The following SKAP1 variants were observed in gnomAD, a reference collection of about 807,000 sequenced individuals.
SKAP1 encodes the protein src kinase associated phosphoprotein 1.
Under a neutral mutation model 58.5 loss-of-function variants are expected in SKAP1, and 44 were observed. That is an observed-to-expected ratio of 0.75 (90% CI 0.59 to 0.97). SKAP1 has a LOEUF of 0.97. Among genes scored for constraint, SKAP1 ranks in the 50% least tolerant of loss-of-function variants. The pLI is 0.00. For synonymous variants in SKAP1, 127 were observed against 149.7 expected (o/e 0.85, Z 1.11); for missense variants, 390 against 435.2 (o/e 0.90, Z 0.92).
intron 2 of SKAP1, among the ~76,000 whole-genome samples, chr17:48,383,060 G>A (rs2067235588): frequency 6.6e-6 from 1 of 152,156 alleles, no homozygotes; most frequent in South Asian, 2.1e-4. Context: ...ACACTGTCTT[G>A]ATCACCTGGC....
intron 4 of SKAP1, among the ~76,000 whole-genome samples, chr17:48,222,255 A>T (rs1237218851): frequency 6.6e-6 from 1 of 152,216 alleles, no homozygotes; most frequent in Non-Finnish European, 1.5e-5. Context: ...CCTCACGCTA[A>T]TACAAATCAA....
chr17:48,198,317 T>C (rs2064671304), intron 4 of SKAP1, among the ~76,000 whole-genome samples: 1 of 151,466 alleles, frequency 6.6e-6, no homozygotes, highest in South Asian at 2.1e-4. Context: ...TAGCCGGGCG[T>C]GTTGGCGGGC....
chr17:48,271,470 G>A (rs1336509476), intron 4 of SKAP1, among the ~76,000 whole-genome samples: 5 of 148,842 alleles, frequency 3.4e-5, no homozygotes, highest in Admixed American at 6.8e-5. Flanking sequence ...GGGTTCCAGC[G>A]TTCCTCACAC....
At chr17:48,394,266 C>G (rs12937347) in intron 2 of SKAP1, among the ~76,000 whole-genome samples, 2 of 151,934 alleles carry the variant, frequency 1.3e-5, no homozygotes, top group Admixed American at 1.3e-4. Context: ...TAAAAAGAAA[C>G]CCTTTTAAAT....
At chr17:48,342,608 A>G (rs773225659) in intron 4 of SKAP1, among the ~76,000 whole-genome samples, 4 of 152,212 alleles carry the variant, frequency 2.6e-5, no homozygotes, top group Non-Finnish European at 5.9e-5. Context: ...TCCTTTTATA[A>G]TGGCAAGTCT....
At chr17:48,213,587 T>G (rs1443372993) in intron 4 of SKAP1, among the ~76,000 whole-genome samples, 1 of 152,288 alleles carries the variant, frequency 6.6e-6, no homozygotes, top group East Asian at 1.9e-4. Flanking sequence ...AACTGTCATA[T>G]TCACAGGACA....
intron 1 of SKAP1, among the ~76,000 whole-genome samples, chr17:48,413,523 A>AATATATATATATAT (rs1555624885): frequency 1.4e-4 from 15 of 105,348 alleles, no homozygotes; most frequent in East Asian, 4.6e-4. Flanking sequence ...TCAAAAAAAA[A>AATATATATATATAT]ATATATATAT....
chr17:48,160,742 C>T (rs141172926), intron 11 of SKAP1, among the ~76,000 whole-genome samples: 156 of 152,372 alleles, frequency 1.0e-3, no homozygotes, highest in African/African-American at 3.6e-3. Flanking sequence ...CACCTCCAGA[C>T]AATGTAAACA....
At chr17:48,318,348 A>C (rs1354530916) in intron 4 of SKAP1, among the ~76,000 whole-genome samples, 1 of 152,238 alleles carries the variant, frequency 6.6e-6, no homozygotes, top group Non-Finnish European at 1.5e-5. Context: ...TACCCAAAGC[A>C]GGAGGCTGGC....
chr17:48,245,004 T>A (rs1208206860), intron 4 of SKAP1, among the ~76,000 whole-genome samples: 2 of 152,174 alleles, frequency 1.3e-5, no homozygotes, highest in Non-Finnish European at 2.9e-5. Context: ...GGCCAAAGGT[T>A]AGAGAAAGAA....
intron 6 of SKAP1, among the ~76,000 whole-genome samples, chr17:48,186,828 C>T (rs1159605957): frequency 6.6e-6 from 1 of 152,184 alleles, no homozygotes; most frequent in African/African-American, 2.4e-5. Context: ...ACAAAGGCAA[C>T]TGGGTGGGTG....
intron 2 of SKAP1, among the ~76,000 whole-genome samples, chr17:48,370,918 C>T (rs1337012926): frequency 1.3e-5 from 2 of 152,112 alleles, no homozygotes; most frequent in African/African-American, 2.4e-5. Context: ...TTAAATATGG[C>T]ATATATACAC....
intron 4 of SKAP1, among the ~76,000 whole-genome samples, chr17:48,326,870 A>T (rs1437645345): frequency 6.6e-6 from 1 of 151,558 alleles, no homozygotes; most frequent in African/African-American, 2.4e-5. Flanking sequence ...AAGGTGTGTG[A>T]CAAGAAATTT....
intron 11 of SKAP1, among the ~76,000 whole-genome samples, chr17:48,158,580 A>AAG (rs2064022527): frequency 6.7e-6 from 1 of 149,390 alleles, no homozygotes; most frequent in African/African-American, 2.4e-5. Context: ...AAAAAAAAAA[A>AAG]AAAAGAAAAA....
intron 11 of SKAP1, among the ~76,000 whole-genome samples, chr17:48,161,341 A>T (rs2064065451): frequency 1.3e-5 from 2 of 152,264 alleles, no homozygotes; most frequent in Non-Finnish European, 2.9e-5. Context: ...CAGCAATTAA[A>T]GAGCAAGTTG....
At chr17:48,335,285 A>G (rs1049941652) in intron 4 of SKAP1, among the ~76,000 whole-genome samples, 1 of 151,832 alleles carries the variant, frequency 6.6e-6, no homozygotes, top group Non-Finnish European at 1.5e-5. Flanking sequence ...GAATAGCCTG[A>G]AACAAAACAA....
intron 7 of SKAP1, among the ~76,000 whole-genome samples, chr17:48,182,971 T>C (rs1171926478): frequency 6.6e-6 from 1 of 152,196 alleles, no homozygotes; most frequent in Non-Finnish European, 1.5e-5. Context: ...GGCAGGCCTA[T>C]GTGCAAAAGA....
At chr17:48,368,230 T>C (rs1225894559) in intron 2 of SKAP1, among the ~76,000 whole-genome samples, 1 of 152,216 alleles carries the variant, frequency 6.6e-6, no homozygotes, top group Non-Finnish European at 1.5e-5. Flanking sequence ...ATCTTGGTCT[T>C]GTCTTGTTAA....
intron 10 of SKAP1, among the ~76,000 whole-genome samples, chr17:48,168,761 C>G (rs1056622178): frequency 6.6e-6 from 1 of 152,210 alleles, no homozygotes; most frequent in Non-Finnish European, 1.5e-5. Flanking sequence ...TCCTAGAGCT[C>G]CCTGCCTTTT....
Sources: gnomAD v4.1 joint callset for allele counts (sites outside exome capture counted in the v4.1 genomes callset) on GRCh38, gnomAD v4.1.1 for gene constraint, MANE v1.5 for transcripts, NCBI Gene and HGNC (gene_info 2026-07-23, HGNC 2026-07-21) for gene names.